The following XYLT1 variants were observed in gnomAD, a reference collection of about 807,000 sequenced individuals.
XYLT1 encodes the protein beta-D-xylosyltransferase 1.
In XYLT1, 36 loss-of-function variants were observed where a neutral mutation model predicts 91.3. That is an observed-to-expected ratio of 0.39 (90% CI 0.30 to 0.52). The LOEUF (loss-of-function observed/expected upper bound fraction) is 0.52, where lower values mean the gene tolerates loss of function less well. Among genes scored for constraint, XYLT1 ranks in the 20% least tolerant of loss-of-function variants. XYLT1 has a pLI of 0.68. For synonymous variants in XYLT1, 588 were observed against 532.0 expected, an observed-to-expected ratio of 1.11 and a Z score of -1.45; for missense variants, 1,242 against 1,284.5, an observed-to-expected ratio of 0.97 and a Z score of 0.51.
rs778255939 is a variant in XYLT1, at chr16:17,158,842, G to A, written c.1357C>T (p.Arg453Trp). The A allele has an allele frequency of 6.2e-6, 10 of 1,613,942 alleles. No individual in the cohort carries two copies. The highest frequency in any genetic ancestry group is 1.3e-5 in the African/African-American group (1 of 74,940). Residue 453 changes from arginine (R) to tryptophan (W), a missense_variant, in exon 6 of 12, where the codon CGG (arginine) becomes TGG (tryptophan). Around this residue, in one of 3 missense-constraint regions of XYLT1, gnomAD observed 294 missense variants for 376.0 expected, o/e 0.78. Coordinates refer to ENST00000261381, the MANE Select transcript of XYLT1 (RefSeq NM_022166.4). ...TTGAGGTGCTACCTTGCATTGTCCCGGCCGTGTGACTTCAAGAAATTCATA... is the reference window on the plus strand; with the variant it reads ...TTGAGGTGCTACCTTGCATTGTCCCAGCCGTGTGACTTCAAGAAATTCATA... The part of the protein sequence containing the change: ...RDMNFLKSHG[R>W]DNARFIRKQG...
At chr16:17,215,073 G>A (rs967156956) in intron 3 of XYLT1, among the ~76,000 whole-genome samples, 1 of 152,086 alleles carries the variant, frequency 6.6e-6, no homozygotes, top group Non-Finnish European at 1.5e-5. Flanking sequence ...AAATGAAGTT[G>A]GGCCGAGTGT....
At position 17,108,926 on chromosome 16, in the gene XYLT1, G is replaced by T. The variant is rs780133822; in HGVS notation, c.2649C>A (p.Ile883=). Residue 883 remains isoleucine (I), a synonymous_variant, in exon 12 of 12, where the codon ATC becomes ATA. Coordinates refer to ENST00000261381, the MANE Select transcript of XYLT1 (RefSeq NM_022166.4). ...QSLNPVLSLP[I]NPAQVEQARR... is the part of the protein sequence containing the mutation. ...GTGCCTGTTCCACCTGGGCGGGGTT[G>T]ATGGGCAGGCTGAGGACGGGGTTTA... is the stretch of plus-strand genomic sequence containing the variant. The T allele has an allele frequency of 6.3e-7, 1 of 1,599,682 alleles. No homozygotes were observed. The highest frequency in any genetic ancestry group is 1.1e-5 in the South Asian group (1 of 89,566).
At chr16:17,229,188 G>A (rs1567332643) in intron 3 of XYLT1, among the ~76,000 whole-genome samples, 1 of 151,996 alleles carries the variant, frequency 6.6e-6, no homozygotes, top group Non-Finnish European at 1.5e-5. Context: ...AGTGTCATTC[G>A]CCTCTGGCAC....
intron 1 of XYLT1, among the ~76,000 whole-genome samples, chr16:17,460,131 G>A (rs538968747): frequency 1.3e-5 from 2 of 152,266 alleles, no homozygotes; most frequent in African/African-American, 4.8e-5. Flanking sequence ...GTCACGGTCC[G>A]TCCCTGACAG....
At chr16:17,174,597 G>A (rs989866527) in intron 5 of XYLT1, among the ~76,000 whole-genome samples, 9 of 152,258 alleles carry the variant, frequency 5.9e-5, no homozygotes, top group East Asian at 1.9e-4. Context: ...AAAGCAGACC[G>A]GGGGTTGCCA....
rs373686440 is a variant in XYLT1 at position 17,257,635 on chromosome 16, G to A, written c.913+1353C>T. Among the ~76,000 whole-genome samples the A allele has an allele frequency of 1.2e-4, 19 of 152,292 alleles. 1 individual carries two copies. The South Asian group carries it at 3.9e-3, about 32-fold the overall frequency. On this transcript the variant is annotated intron_variant, in intron 3 of 11. Coordinates refer to ENST00000261381, the MANE Select transcript of XYLT1 (RefSeq NM_022166.4). ...CGAGTCAATAAACAGCGACCACGTGGCTGGGTGATGGTACATTGGGGTTCT... is the reference window on the plus strand; with the variant it reads ...CGAGTCAATAAACAGCGACCACGTGACTGGGTGATGGTACATTGGGGTTCT...
intron 2 of XYLT1, among the ~76,000 whole-genome samples, chr16:17,259,797 T>C (rs1434285503): frequency 6.6e-6 from 1 of 152,246 alleles, no homozygotes; most frequent in African/African-American, 2.4e-5. Context: ...TTTCCTTGAC[T>C]GTCTTTGCCA....
intron 3 of XYLT1, among the ~76,000 whole-genome samples, chr16:17,202,876 C>G (rs2032569720): frequency 1.3e-5 from 2 of 152,050 alleles, no homozygotes; most frequent in African/African-American, 4.8e-5. Context: ...CTCGGTGAAA[C>G]AAAAGTTACA....
chr16:17,218,566 G>C (rs1014765165), intron 3 of XYLT1, among the ~76,000 whole-genome samples: 1 of 152,098 alleles, frequency 6.6e-6, no homozygotes, highest in Non-Finnish European at 1.5e-5. Flanking sequence ...GTGCCTGCTC[G>C]AAGCTTTCAT....
intron 3 of XYLT1, among the ~76,000 whole-genome samples, chr16:17,239,845 T>G (rs1204438742): frequency 6.6e-6 from 1 of 152,148 alleles, no homozygotes. Flanking sequence ...ACTTATCTTT[T>G]TATCCATCCA....
intron 10 of XYLT1, among the ~76,000 whole-genome samples, chr16:17,121,441 C>A (rs925683369): frequency 3.9e-5 from 6 of 152,182 alleles, no homozygotes; most frequent in Admixed American, 1.3e-4. Context: ...TGGAAGTCCA[C>A]CACCATCCAC....
chr16:17,396,660 C>T (rs2035891222), intron 1 of XYLT1, among the ~76,000 whole-genome samples: 1 of 152,170 alleles, frequency 6.6e-6, no homozygotes, highest in African/African-American at 2.4e-5. Flanking sequence ...CACTTGAGGT[C>T]AGGAGTTTGA....
At chr16:17,139,315 T>C (rs1370780389) in intron 7 of XYLT1, among the ~76,000 whole-genome samples, 1 of 149,866 alleles carries the variant, frequency 6.7e-6, no homozygotes, top group African/African-American at 2.5e-5. Context: ...CACAGCCTTC[T>C]GATTTCTTCT....
At chr16:17,210,819 C>G (rs1166120181) in intron 3 of XYLT1, among the ~76,000 whole-genome samples, 1 of 152,152 alleles carries the variant, frequency 6.6e-6, no homozygotes, top group Non-Finnish European at 1.5e-5. Context: ...TCTTACCCAC[C>G]TCTCCTGAAT....
rs2029943288 is a variant in XYLT1, at chr16:17,118,657, G to A, written c.2224-678C>T. Among the ~76,000 whole-genome samples, 3 of 152,062 alleles carry A rather than the reference G, an allele frequency of 2.0e-5. 1 individual carries two copies. In the South Asian group the frequency reaches 6.2e-4, roughly 32 times the overall value. On this transcript the variant is annotated intron_variant, in intron 10 of 11. Coordinates refer to ENST00000261381, the MANE Select transcript of XYLT1 (RefSeq NM_022166.4). Reference sequence around the variant, plus strand: ...GTGACCCACAGCAATCCTCTCTGGTGGGCTTCCCTCCTTCCACTTGTGCCA... The same window carrying A: ...GTGACCCACAGCAATCCTCTCTGGTAGGCTTCCCTCCTTCCACTTGTGCCA...
intron 5 of XYLT1, among the ~76,000 whole-genome samples, chr16:17,177,801 G>A (rs752708642): frequency 6.6e-6 from 1 of 152,194 alleles, no homozygotes; most frequent in Non-Finnish European, 1.5e-5. Flanking sequence ...TTTATAGAAA[G>A]TACTAGAGGA....
At chr16:17,302,183 T>A (rs145486006) in intron 2 of XYLT1, among the ~76,000 whole-genome samples, 2 of 152,014 alleles carry the variant, frequency 1.3e-5, no homozygotes, top group Non-Finnish European at 2.9e-5. Context: ...CCAGCCTGGG[T>A]GACAGAGCAA....
intron 3 of XYLT1, among the ~76,000 whole-genome samples, chr16:17,231,126 A>C (rs1477809030): frequency 6.6e-6 from 1 of 152,236 alleles, no homozygotes; most frequent in Non-Finnish European, 1.5e-5. Flanking sequence ...GGAGATTTCC[A>C]ATGTGCATTT....
At chr16:17,141,519 G>A (rs2030975090) in intron 6 of XYLT1, 150 bp from the exon 7 acceptor site, 2 of 749,422 alleles carry the variant, frequency 2.7e-6, no homozygotes, top group Admixed American at 2.8e-5. Flanking sequence ...TCTGCGTGGA[G>A]TTTATCACTT....
Sources: allele counts gnomAD v4.1 joint callset (sites outside exome capture counted in the v4.1 genomes callset), GRCh38; gene constraint gnomAD v4.1.1; regional missense constraint gnomAD v4.1.1; transcripts MANE v1.5; gene names NCBI Gene and HGNC (gene_info 2026-07-23, HGNC 2026-07-21).